SP7: variants seen among roughly 807,000 people sequenced by gnomAD.
SP7 encodes Sp7 transcription factor.
In SP7, 13 loss-of-function variants were observed where a neutral mutation model predicts 27.9. The ratio of observed to expected loss-of-function variants is 0.47; its 90% CI spans 0.30 to 0.74. The LOEUF (loss-of-function observed/expected upper bound fraction) is 0.74, where lower values mean the gene tolerates loss of function less well. Ranked by LOEUF, SP7 falls within the 30% of genes least tolerant of loss-of-function variation. SP7 has a pLI of 0.06. For synonymous variants in SP7, 219 were observed against 226.7 expected, an observed-to-expected ratio of 0.97 and a Z score of 0.31; for missense variants, 525 against 558.0, an observed-to-expected ratio of 0.94 and a Z score of 0.60.
chr12:53,329,801 G>A (rs571883959), intron 2 of SP7, among the ~76,000 whole-genome samples: 78 of 151,058 alleles, frequency 5.2e-4, no homozygotes, highest in Non-Finnish European at 6.2e-4. Flanking sequence ...GTGTGACCTC[G>A]GCTCACTGCA....
At position 53,335,626 on chromosome 12, in the gene SP7, C is replaced by T. The variant is rs1944759049; in HGVS notation, c.21G>A (p.Glu7=). 1 of 1,541,478 alleles carries T rather than the reference C, an allele frequency of 6.5e-7. No individual in the cohort carries two copies. The highest frequency in any genetic ancestry group is 1.4e-5 in the African/African-American group (1 of 71,666). The part of the protein sequence containing the change: MASSLL[E]EEVHYGSSPL... ...CCTGGGGGGAAGAGGGGACAGTTAC[C>T]TCAAGCAGGGAGGACGCCATCCTGA... is the stretch of plus-strand genomic sequence containing the variant. The change falls in exon 2 of 3, where the codon GAG becomes GAA. Residue 7 remains glutamate (E), a splice_region_variant and synonymous_variant. Coordinates refer to ENST00000536324, the MANE Select transcript of SP7 (RefSeq NM_001173467.3).
upstream of SP7, among the ~76,000 whole-genome samples, chr12:53,340,239 G>A (rs372017552): frequency 1.3e-5 from 2 of 149,744 alleles, no homozygotes; most frequent in East Asian, 2.0e-4. Context: ...ATCAACACAC[G>A]TATCTACACA....
At chr12:53,342,108 C>A (rs953768414) in intron 1 of SP7, among the ~76,000 whole-genome samples, 2 of 149,878 alleles carry the variant, frequency 1.3e-5, no homozygotes, top group Admixed American at 1.3e-4. Context: ...ACTAAAAATA[C>A]AAAAATTAGC....
In SP7 at chr12:53,328,734, A is replaced by G. The variant is rs1443531677; in HGVS notation, c.708T>C (p.Asn236=). 4 of 1,606,276 alleles carry G rather than the reference A, an allele frequency of 2.5e-6. No homozygotes were observed. The highest frequency in any genetic ancestry group is 3.4e-6 in the Non-Finnish European group (4 of 1,174,488). ...QDVYKPKAVG[N]SGQLEGSGGA... is the part of the protein sequence containing the mutation. ...CACCACTCCCTTCTAGCTGCCCACT[A>G]TTTCCCACTGCCTTGGGTTTATAGA... The change falls in exon 3 of 3, where the codon AAT becomes AAC. Residue 236 remains asparagine (N), a synonymous_variant. Coordinates refer to ENST00000536324, the MANE Select transcript of SP7 (RefSeq NM_001173467.3). The surrounding 1 kb of genome is among the most constrained non-coding windows in gnomAD (Gnocchi z 5.1).
In SP7 at chr12:53,328,733, T is replaced by A; in HGVS notation, c.709A>T (p.Ser237Cys). The A allele has an allele frequency of 6.2e-7, 1 of 1,606,746 alleles. No individual in the cohort carries two copies. ...DVYKPKAVGN[S>C]GQLEGSGGAK... ...CCACCACTCCCTTCTAGCTGCCCAC[T>A]ATTTCCCACTGCCTTGGGTTTATAG... The change falls in exon 3 of 3, where the codon AGT becomes TGT. Residue 237 changes from serine to cysteine, a missense_variant. Transcript: ENST00000536324. This position sits in a 1 kb window ranked among gnomAD's most constrained non-coding sequence, Gnocchi z 5.1.
chr12:53,337,362 G>A (rs1427320808), upstream of SP7, among the ~76,000 whole-genome samples: 1 of 152,236 alleles, frequency 6.6e-6, no homozygotes, highest in Non-Finnish European at 1.5e-5. Flanking sequence ...AGCCAGGTTA[G>A]GAGGGAAACC....
intron 2 of SP7, among the ~76,000 whole-genome samples, chr12:53,335,396 T>C (rs1944755273): frequency 6.7e-6 from 1 of 149,704 alleles, no homozygotes; most frequent in South Asian, 2.1e-4. Flanking sequence ...CCTAATCCCC[T>C]CTCACCCTCT....
chr12:53,331,209 C>T (rs1372503743), intron 2 of SP7, among the ~76,000 whole-genome samples: 1 of 152,084 alleles, frequency 6.6e-6, no homozygotes, highest in African/African-American at 2.4e-5. Flanking sequence ...CGGTGGCTCA[C>T]GCCTGTAATC....
upstream of SP7, among the ~76,000 whole-genome samples, chr12:53,340,731 CAG>C (rs1944815580): frequency 6.6e-6 from 1 of 152,152 alleles, no homozygotes; most frequent in Admixed American, 6.5e-5. Flanking sequence ...ACTCCAGCGA[CAG>C]AGAACATAGA....
At position 53,344,092 on chromosome 12, in the gene SP7, T is replaced by G. The variant is rs1350995423; in HGVS notation, c.-34+1022A>C. ...AAATAAGTCAATGAAGGGGTGATATTGAGGATGTGAGGTGGAGAGGATTTG... is the reference window on the plus strand; with the variant it reads ...AAATAAGTCAATGAAGGGGTGATATGGAGGATGTGAGGTGGAGAGGATTTG... On this transcript the variant is annotated intron_variant, in intron 1 of 1. Transcript: ENST00000547755. This position sits in a 1 kb window ranked among gnomAD's most constrained non-coding sequence, Gnocchi z 4.6. Among the ~76,000 whole-genome samples the G allele has an allele frequency of 6.6e-6, 1 of 152,010 alleles. No individual in the cohort carries two copies. The highest frequency in any genetic ancestry group is 1.5e-5 in the Non-Finnish European group (1 of 67,992).
At chr12:53,338,308 G>A (rs1407215064), upstream of SP7, among the ~76,000 whole-genome samples, 1 of 152,156 alleles carries the variant, frequency 6.6e-6, no homozygotes, top group African/African-American at 2.4e-5. Flanking sequence ...CTGAGACTGA[G>A]GTGCCAGATG....
chr12:53,331,470 CAAAAAAA>C lies in SP7; in HGVS notation c.22-2057_22-2051del, dbSNP rs367626786. On this transcript the variant is annotated intron_variant, in intron 2 of 2. Coordinates refer to ENST00000536324, the MANE Select transcript of SP7 (RefSeq NM_001173467.3). ...TAGGCTACAGAGCAAGACTCCATCT[CAAAAAAA>C]AAAAAAAAAAAGAAAGGCAAAGGTA... 7.6e-5 allele frequency among the ~76,000 whole-genome samples: 8 copies of C among 105,356 alleles called. No individual in the cohort carries two copies. The South Asian group carries it at 1.7e-3, about 22-fold the overall frequency. The allele number at this position is 105,356 out of a possible 152,430, so 69.1% of individuals were successfully genotyped here. A position where few individuals can be genotyped will look rare whatever the true frequency, so the allele number is the denominator to read the frequency against.
At chr12:53,340,511 C>T (rs1216800295), upstream of SP7, among the ~76,000 whole-genome samples, 5 of 152,300 alleles carry the variant, frequency 3.3e-5, no homozygotes, top group East Asian at 1.9e-4. Context: ...ATGGCCCCAG[C>T]GAACTCCCTG....
upstream of SP7, among the ~76,000 whole-genome samples, chr12:53,336,747 C>CGT (rs149454831): frequency 0.018 from 2,688 of 149,476 alleles, 79 homozygotes; most frequent in African/African-American, 0.054. Context: ...TGTACGTGCC[C>CGT]GTGTGTGTGT....
At chr12:53,334,574 G>A (rs1944745359) in intron 2 of SP7, among the ~76,000 whole-genome samples, 1 of 152,208 alleles carries the variant, frequency 6.6e-6, no homozygotes, top group Non-Finnish European at 1.5e-5. Flanking sequence ...CAAGAATAGG[G>A]AAGAGTCAAG....
At position 53,335,703 on chromosome 12, in the gene SP7, G is replaced by C. The variant is rs1944761294; in HGVS notation, c.-47-10C>G. 6.9e-7 allele frequency: 1 copy of C among 1,459,790 alleles called. No homozygotes were observed. The highest frequency in any genetic ancestry group is 1.2e-5 in the South Asian group (1 of 81,036). The allele number at this position is 1,459,790 out of a possible 1,614,324, so 90.4% of individuals were successfully genotyped here. A position where few individuals can be genotyped will look rare whatever the true frequency, so the allele number is the denominator to read the frequency against. ...AGGCAGATGGAGAGAGCTGAGCCGG[G>C]GGGTGGGGGGGGTAGAGAGAGAAAA... On this transcript the variant is annotated splice_polypyrimidine_tract_variant and intron_variant, in intron 1 of 2. Coordinates refer to ENST00000536324, the MANE Select transcript of SP7 (RefSeq NM_001173467.3).
In SP7 at chr12:53,328,973, G is replaced by T; in HGVS notation, c.469C>A (p.Pro157Thr). The T allele has an allele frequency of 1.9e-6, 3 of 1,612,718 alleles. No homozygotes were observed. Among genetic ancestry groups the T allele is most frequent in the Non-Finnish European group, 2.5e-6 (3 of 1,179,304 alleles). The change falls in exon 3 of 3, where the codon CCA becomes ACA. Residue 157 changes from proline (P) to threonine (T), a missense_variant. Physicochemically the swap from Pro to Thr is conservative, Grantham distance 38. Coordinates refer to ENST00000536324, the MANE Select transcript of SP7 (RefSeq NM_001173467.3). The surrounding 1 kb of genome is among the most constrained non-coding windows in gnomAD (Gnocchi z 5.1). Reference sequence around the variant, plus strand: ...CCTCCAGGGTGCATATCCCACCATGGAGTAGGAGTGTTGCCTGGGCCTGGT... The same window carrying T: ...CCTCCAGGGTGCATATCCCACCATGTAGTAGGAGTGTTGCCTGGGCCTGGT... ...ISPGPGNTPT[P>T]WWDMHPGGNW...
In SP7 at chr12:53,328,106, C is replaced by T. The variant is rs544948173; in HGVS notation, c.*40G>A. On this transcript the variant is annotated 3_prime_UTR_variant, in exon 3 of 3. Coordinates refer to ENST00000536324, the MANE Select transcript of SP7 (RefSeq NM_001173467.3). The surrounding 1 kb of genome is among the most constrained non-coding windows in gnomAD (Gnocchi z 5.1). ...CAGTGGTCTAGAGAGCCAAGAGAGA[C>T]TGTCAGGGCAGCCCTGGGGTGGGAG... The T allele has an allele frequency of 5.2e-6, 8 of 1,537,356 alleles. No individual in the cohort carries two copies. In the African/African-American group the frequency reaches 6.9e-5, roughly 13 times the overall value.
At chr12:53,335,787 G>A (rs180943840) in intron 1 of SP7, 94 bp from the exon 2 acceptor site, 90 of 1,357,044 alleles carry the variant, frequency 6.6e-5, no homozygotes, top group African/African-American at 1.6e-4. Flanking sequence ...AGAAGGGACC[G>A]GGGTGGGGGG....
Sources: allele counts gnomAD v4.1 joint callset (sites outside exome capture counted in the v4.1 genomes callset), GRCh38; gene constraint gnomAD v4.1.1; non-coding constraint Gnocchi (gnomAD v3.1); transcripts MANE v1.5; gene names NCBI Gene and HGNC (gene_info 2026-07-23, HGNC 2026-07-21).